Variants in SLC6A6 observed in about 807,000 individuals in gnomAD.
SLC6A6 encodes sodium- and chloride-dependent taurine transporter.
A neutral mutation model predicts 68.8 loss-of-function variants in SLC6A6; 16 were observed. That is an observed-to-expected ratio of 0.23 (90% CI 0.16 to 0.35). The LOEUF (loss-of-function observed/expected upper bound fraction) is 0.35. Ranked by LOEUF, SLC6A6 falls within the 10% of genes least tolerant of loss-of-function variation. The pLI, the probability that SLC6A6 is intolerant of heterozygous loss-of-function variation, is 1.00. For synonymous variants in SLC6A6, 312 were observed against 315.4 expected, an observed-to-expected ratio of 0.99 and a Z score of 0.12; for missense variants, 474 against 802.8, an observed-to-expected ratio of 0.59 and a Z score of 4.95.
rs146226550 is a variant in SLC6A6, at chr3:14,453,943, G to T, written c.600-4007G>T. On this transcript the variant is annotated intron_variant, in intron 5 of 14. Coordinates refer to ENST00000622186, the MANE Select transcript of SLC6A6 (RefSeq NM_003043.6). The stretch of plus-strand genomic sequence containing the variant: ...GATAGCAGCTAGGGTGGCTGAAGGA[G>T]GAGGAAGTGATGCTGCAGTCTGGGG... Among the ~76,000 whole-genome samples, 845 of 152,308 alleles carry T rather than the reference G, an allele frequency of 5.5e-3. 5 individuals carry two copies. Among genetic ancestry groups the T allele is most frequent in the African/African-American group, 0.019 (796 of 41,572 alleles).
chr3:14,479,327 G>T lies in SLC6A6; in HGVS notation c.1551+142G>T, dbSNP rs1422162884. ...AGCTTCAGCGCTGCCTGGGAGAGGG[G>T]AGGAAGGCTGCTCCAGGGAGTTAGC... On this transcript the variant is annotated intron_variant, in intron 13 of 14. Coordinates refer to ENST00000622186, the MANE Select transcript of SLC6A6 (RefSeq NM_003043.6). 4.8e-6 allele frequency: 3 copies of T among 629,532 alleles called. No individual in the cohort carries two copies. The Admixed American group carries it at 7.8e-5, about 16-fold the overall frequency. 39.0% of individuals were successfully genotyped at this position (629,532 alleles called of 1,614,324 possible).
intron 2 of SLC6A6, among the ~76,000 whole-genome samples, chr3:14,418,620 C>T (rs758945499): frequency 6.6e-6 from 1 of 152,188 alleles, no homozygotes; most frequent in Non-Finnish European, 1.5e-5. Flanking sequence ...TCATATACTG[C>T]CGAGAGGTTT....
At chr3:14,483,446 G>A (rs1363089350) in intron 14 of SLC6A6, among the ~76,000 whole-genome samples, 2 of 152,242 alleles carry the variant, frequency 1.3e-5, no homozygotes, top group Non-Finnish European at 2.9e-5. Flanking sequence ...CTCTGCCTGA[G>A]CCTCCTGTGT....
intron 10 of SLC6A6, among the ~76,000 whole-genome samples, chr3:14,473,192 A>G (rs977280200): frequency 6.6e-6 from 1 of 152,152 alleles, no homozygotes; most frequent in African/African-American, 2.4e-5. Context: ...TTCCCTGGAA[A>G]TAGGTGTATT....
intron 6 of SLC6A6, among the ~76,000 whole-genome samples, chr3:14,465,876 A>C (rs1303063575): frequency 2.0e-5 from 3 of 152,162 alleles, no homozygotes; most frequent in Non-Finnish European, 4.4e-5. Flanking sequence ...GAAGGCAGGG[A>C]TTTGTTTTCT....
chr3:14,438,285 T>C (rs1484996745), intron 2 of SLC6A6, among the ~76,000 whole-genome samples: 1 of 152,030 alleles, frequency 6.6e-6, no homozygotes, highest in Non-Finnish European at 1.5e-5. Context: ...CTGAATAACA[T>C]TAGGCAGCAT....
At chr3:14,461,243 G>A (rs1354580173) in intron 6 of SLC6A6, among the ~76,000 whole-genome samples, 1 of 152,218 alleles carries the variant, frequency 6.6e-6, no homozygotes, top group Non-Finnish European at 1.5e-5. Context: ...TCCTCCTCAT[G>A]GTTTGGAGTA....
At chr3:14,407,118 C>T (rs867716907) in intron 1 of SLC6A6, among the ~76,000 whole-genome samples, 3 of 151,734 alleles carry the variant, frequency 2.0e-5, no homozygotes, top group Non-Finnish European at 4.4e-5. Flanking sequence ...GGTGCCATCA[C>T]AGTTCACTGC....
chr3:14,460,755 C>A (rs1700476414), intron 6 of SLC6A6, among the ~76,000 whole-genome samples: 1 of 152,254 alleles, frequency 6.6e-6, no homozygotes, highest in South Asian at 2.1e-4. Flanking sequence ...GGCTGTAGGC[C>A]TCCCAGGGGT....
intron 1 of SLC6A6, among the ~76,000 whole-genome samples, chr3:14,404,438 T>C (rs1699060668): frequency 6.6e-6 from 1 of 152,118 alleles, no homozygotes; most frequent in African/African-American, 2.4e-5. Context: ...ACTGGTAGAA[T>C]GGTGGGAGGT....
intron 5 of SLC6A6, among the ~76,000 whole-genome samples, chr3:14,453,400 C>A (rs1353824923): frequency 6.6e-6 from 1 of 152,228 alleles, no homozygotes; most frequent in Non-Finnish European, 1.5e-5. Flanking sequence ...AAGGCCAGCA[C>A]CATGCCCGGC....
chr3:14,409,360 C>T (rs533469300), intron 1 of SLC6A6, among the ~76,000 whole-genome samples: 2 of 152,348 alleles, frequency 1.3e-5, no homozygotes, highest in African/African-American at 4.8e-5. Context: ...GCCGGCTGAG[C>T]CGATTCAGCA....
At chr3:14,463,988 C>T (rs1320926855) in intron 6 of SLC6A6, among the ~76,000 whole-genome samples, 1 of 152,174 alleles carries the variant, frequency 6.6e-6, no homozygotes, top group Non-Finnish European at 1.5e-5. Flanking sequence ...CCCAGGTCAC[C>T]AGCAAGGGGT....
At chr3:14,446,527 AACCTGC>A (rs1342631200) in intron 4 of SLC6A6, among the ~76,000 whole-genome samples, 10 of 152,202 alleles carry the variant, frequency 6.6e-5, no homozygotes, top group Non-Finnish European at 1.3e-4. Flanking sequence ...TTCTGTCACA[AACCTGC>A]ACCTGCACCC....
At chr3:14,452,390 C>T (rs987831651) in intron 5 of SLC6A6, among the ~76,000 whole-genome samples, 3 of 152,238 alleles carry the variant, frequency 2.0e-5, no homozygotes, top group Admixed American at 6.5e-5. Context: ...CCACGGGACA[C>T]TGACGATGCA....
rs1215392124 is a variant in SLC6A6 at position 14,485,937 on chromosome 3, G to A, written c.*930G>A. 2 of 152,732 alleles carry A rather than the reference G, an allele frequency of 1.3e-5. No individual in the cohort carries two copies. The highest frequency in any genetic ancestry group is 1.9e-4 in the East Asian group (1 of 5,190). The allele number at this position is 152,732 out of a possible 1,614,324, so 9.5% of individuals were successfully genotyped here. ...TTCCTGGGGCATTCCAGGCAGAGAA[G>A]GAGCAGAGGCTCTCCCGGCAGGAGC... On this transcript the variant is annotated 3_prime_UTR_variant, in exon 15 of 15. Coordinates refer to ENST00000622186, the MANE Select transcript of SLC6A6 (RefSeq NM_003043.6).
chr3:14,435,778 A>G (rs919950664), intron 2 of SLC6A6, among the ~76,000 whole-genome samples: 1 of 152,196 alleles, frequency 6.6e-6, no homozygotes, highest in Non-Finnish European at 1.5e-5. Flanking sequence ...AAACTGAAAA[A>G]TGTGTGTGTG....
intron 6 of SLC6A6, 130 bp downstream of exon 6, chr3:14,458,212 C>T (rs891371221): frequency 1.0e-5 from 8 of 782,552 alleles, no homozygotes; most frequent in South Asian, 3.1e-5. Context: ...CTGGTAAGCC[C>T]GCCCTCTGGA....
chr3:14,415,162 C>T (rs1432395479), intron 1 of SLC6A6, among the ~76,000 whole-genome samples: 2 of 152,216 alleles, frequency 1.3e-5, no homozygotes, highest in Non-Finnish European at 2.9e-5. Flanking sequence ...CTCTGTCATC[C>T]ACTGCTGAGC....
Sources: allele counts gnomAD v4.1 joint callset (sites outside exome capture counted in the v4.1 genomes callset), GRCh38; gene constraint gnomAD v4.1.1; transcripts MANE v1.5; gene names NCBI Gene and HGNC (gene_info 2026-07-23, HGNC 2026-07-21).